MTBP: variants seen among roughly 807,000 people sequenced by gnomAD.
MTBP encodes mdm2-binding protein.
Under a neutral mutation model 117.0 loss-of-function variants are expected in MTBP, and 101 were observed. The ratio of observed to expected loss-of-function variants is 0.86; its 90% CI spans 0.73 to 1.02. The LOEUF (loss-of-function observed/expected upper bound fraction) is 1.02. Among genes scored for constraint, MTBP ranks in the 50% least tolerant of loss-of-function variants. The pLI is 0.00. For missense variants in MTBP, 970 were observed against 1,030.9 expected, an observed-to-expected ratio of 0.94 and a Z score of 0.81; for synonymous variants, 350 against 351.5, an observed-to-expected ratio of 1.00 and a Z score of 0.05.
intron 17 of MTBP, among the ~76,000 whole-genome samples, chr8:120,511,063 CA>C (rs1267875375): frequency 6.6e-6 from 1 of 152,060 alleles, no homozygotes; most frequent in East Asian, 1.9e-4. Context: ...TTGTGAACAA[CA>C]GATCGGCAAC....
At chr8:120,454,653 A>T (rs140982921) in intron 5 of MTBP, among the ~76,000 whole-genome samples, 3 of 152,176 alleles carry the variant, frequency 2.0e-5, no homozygotes, top group African/African-American at 7.2e-5. Flanking sequence ...AGTCAGCCAG[A>T]TCTCTATATT....
rs561756784 is a variant in MTBP, at chr8:120,457,264, C to T, written c.747+594C>T. Among the ~76,000 whole-genome samples the T allele has an allele frequency of 3.3e-5, 5 of 152,200 alleles. 1 individual carries two copies. The highest frequency in any genetic ancestry group is 9.6e-5 in the African/African-American group (4 of 41,520). ...AAATTTCTATTTCATTTTGACGTCTCTTACTATGAAAGAATGTTTGTGGGT... is the reference window on the plus strand; with the variant it reads ...AAATTTCTATTTCATTTTGACGTCTTTTACTATGAAAGAATGTTTGTGGGT... On this transcript the variant is annotated intron_variant, in intron 7 of 21. Transcript: ENST00000305949.
intron 7 of MTBP, among the ~76,000 whole-genome samples, chr8:120,458,535 G>T (rs941878193): frequency 6.6e-6 from 1 of 151,984 alleles, no homozygotes; most frequent in Non-Finnish European, 1.5e-5. Flanking sequence ...ACTGTGCTAA[G>T]GATCTAGTAA....
intron 10 of MTBP, among the ~76,000 whole-genome samples, chr8:120,468,652 A>G (rs951680000): frequency 2.3e-4 from 35 of 151,820 alleles, no homozygotes; most frequent in African/African-American, 8.4e-4. Context: ...AGGCGTTGTC[A>G]TGGAGAAGAA....
intron 4 of MTBP, chr8:120,451,863 G>A (rs544442823): frequency 6.6e-6 from 1 of 152,670 alleles, no homozygotes; most frequent in Admixed American, 6.5e-5. Flanking sequence ...GAGTACAGCT[G>A]TGAGCCACCG....
intron 14 of MTBP, among the ~76,000 whole-genome samples, chr8:120,500,877 T>C (rs1180823014): frequency 6.6e-6 from 1 of 151,554 alleles, no homozygotes; most frequent in Non-Finnish European, 1.5e-5. Context: ...GCCAACATGG[T>C]GAACCCTTTT....
chr8:120,499,391 A>AT (rs1044139275), intron 14 of MTBP, among the ~76,000 whole-genome samples: 74 of 151,008 alleles, frequency 4.9e-4, no homozygotes, highest in African/African-American at 7.3e-4. Context: ...TCTCCCTGTA[A>AT]TTTTTTTTTC....
chr8:120,523,179 G>T, intron 21 of MTBP, 119 bp from the exon 22 acceptor site: 1 of 699,018 alleles, frequency 1.4e-6, no homozygotes, highest in South Asian at 1.9e-5. Flanking sequence ...TAAGATTTCA[G>T]TATCTTCCTT....
chr8:120,481,149 A>G (rs1342787569), intron 11 of MTBP, among the ~76,000 whole-genome samples: 1 of 152,194 alleles, frequency 6.6e-6, no homozygotes, highest in Non-Finnish European at 1.5e-5. Context: ...CAACACACTC[A>G]CTAGAATGGC....
At chr8:120,455,120 ATG>A (rs1222883238) in intron 5 of MTBP, among the ~76,000 whole-genome samples, 1 of 151,806 alleles carries the variant, frequency 6.6e-6, no homozygotes, top group Non-Finnish European at 1.5e-5. Context: ...CATGAGAGTG[ATG>A]TGTGTAATTA....
intron 9 of MTBP, among the ~76,000 whole-genome samples, chr8:120,462,965 C>T (rs1216216193): frequency 6.6e-6 from 1 of 151,982 alleles, no homozygotes; most frequent in African/African-American, 2.4e-5. Context: ...AGATGTTTGG[C>T]CGTGTTTTTA....
intron 13 of MTBP, among the ~76,000 whole-genome samples, chr8:120,496,957 C>T (rs1313545080): frequency 6.6e-6 from 1 of 152,130 alleles, no homozygotes; most frequent in East Asian, 1.9e-4. Flanking sequence ...TGAAAAATGT[C>T]ATTATTTATC....
At chr8:120,485,481 A>T (rs1814194263) in intron 11 of MTBP, among the ~76,000 whole-genome samples, 1 of 151,924 alleles carries the variant, frequency 6.6e-6, no homozygotes, top group African/African-American at 2.4e-5. Context: ...TTTTTATTTT[A>T]TATCTTTTCA....
intron 1 of MTBP, 51 bp downstream of exon 1, chr8:120,445,639 A>C (rs777180047): frequency 1.4e-6 from 2 of 1,449,708 alleles, no homozygotes; most frequent in Non-Finnish European, 1.9e-6. Context: ...GAGGGGAAGA[A>C]GTTTGAGTTT....
intron 11 of MTBP, among the ~76,000 whole-genome samples, chr8:120,484,225 C>T (rs1039451277): frequency 2.0e-5 from 3 of 152,112 alleles, no homozygotes; most frequent in Non-Finnish European, 4.4e-5. Flanking sequence ...GTCACTGTAT[C>T]TTTTGGCAAA....
At chr8:120,457,324 A>G (rs998980703) in intron 7 of MTBP, among the ~76,000 whole-genome samples, 4 of 152,214 alleles carry the variant, frequency 2.6e-5, no homozygotes, top group African/African-American at 7.2e-5. Context: ...ATAAGTGTTC[A>G]TAGTAATTTA....
chr8:120,451,118 T>TA, intron 3 of MTBP, 42 bp downstream of exon 3: 1 of 1,574,518 alleles, frequency 6.4e-7, no homozygotes, highest in Non-Finnish European at 8.7e-7. Flanking sequence ...ATGTCTTTAC[T>TA]AATATAAATA....
intron 15 of MTBP, 137 bp downstream of exon 15, chr8:120,502,746 G>C (rs991510269): frequency 1.2e-5 from 7 of 565,568 alleles, no homozygotes; most frequent in Admixed American, 3.2e-5. Flanking sequence ...ACTGTGAATA[G>C]ATAGTTAATC....
At chr8:120,450,255 A>G (rs1813311076) in intron 2 of MTBP, among the ~76,000 whole-genome samples, 2 of 152,154 alleles carry the variant, frequency 1.3e-5, no homozygotes, top group South Asian at 2.1e-4. Context: ...TGGCAATACA[A>G]GTTGAGTTGT....
Sources: allele counts gnomAD v4.1 joint callset (sites outside exome capture counted in the v4.1 genomes callset), GRCh38; gene constraint gnomAD v4.1.1; transcripts MANE v1.5; gene names NCBI Gene and HGNC (gene_info 2026-07-23, HGNC 2026-07-21).